ABCA3: variants seen among roughly 807,000 people sequenced by gnomAD.
ABCA3 encodes the protein ATP binding cassette subfamily A member 3, also known as phospholipid-transporting ATPase ABCA3.
A neutral mutation model predicts 172.8 loss-of-function variants in ABCA3; 88 were observed. The ratio of observed to expected loss-of-function variants is 0.51; its 90% CI spans 0.43 to 0.61. ABCA3 has a LOEUF of 0.61. ABCA3 is among the 20% of genes least tolerant of loss of function. The pLI is 0.00. For missense variants in ABCA3, 2,164 were observed against 2,301.0 expected (o/e 0.94, Z 1.22); for synonymous variants, 1,066 against 983.8 (o/e 1.08, Z -1.56).
In ABCA3 at chr16:2,326,019, T is replaced by C. The variant is rs1477041077; in HGVS notation, c.310A>G (p.Asn104Asp). The change falls in exon 5 of 33, where the codon AAC (asparagine) becomes GAC (aspartate). Residue 104 changes from asparagine (N) to aspartate (D), a missense_variant. Coordinates refer to ENST00000301732, the MANE Select transcript of ABCA3 (RefSeq NM_001089.3). ...TETVRRALVI[N>D]MRVRGFPSEK... ...CCCCGGCATGTCTCACCTCGCATGT[T>C]GATCACAAGTGCCCTGCGCACTGTC... is the stretch of plus-strand genomic sequence containing the variant. 6.2e-7 allele frequency: 1 copy of C among 1,613,624 alleles called. No individual in the cohort carries two copies. The highest frequency in any genetic ancestry group is 2.2e-5 in the East Asian group (1 of 44,866).
intron 14 of ABCA3, among the ~76,000 whole-genome samples, chr16:2,299,162 C>T (rs528199826): frequency 3.1e-4 from 45 of 144,100 alleles, no homozygotes; most frequent in African/African-American, 1.0e-3. Flanking sequence ...CCTGCATTCA[C>T]GGACAGAGGC....
chr16:2,302,313 A>G lies in ABCA3; in HGVS notation c.1467+1656T>C, dbSNP rs570952362. 2.0e-5 allele frequency among the ~76,000 whole-genome samples: 3 copies of G among 152,304 alleles called. No homozygotes were observed. In the East Asian group the frequency reaches 5.8e-4, roughly 29 times the overall value. On this transcript the variant is annotated intron_variant, in intron 12 of 32. Coordinates refer to ENST00000301732, the MANE Select transcript of ABCA3 (RefSeq NM_001089.3). ...AGCTGGTCTCGGCAGTGATTCTTAAAAAGGTAATACTTAGGTAGAAATATA... is the reference window on the plus strand; with the variant it reads ...AGCTGGTCTCGGCAGTGATTCTTAAGAAGGTAATACTTAGGTAGAAATATA...
chr16:2,333,649 T>C (rs1199179555), intron 1 of ABCA3, among the ~76,000 whole-genome samples: 2 of 152,204 alleles, frequency 1.3e-5, no homozygotes, highest in African/African-American at 2.4e-5. Context: ...TGATGGGCAC[T>C]TGTACAAGGT....
intron 10 of ABCA3, among the ~76,000 whole-genome samples, chr16:2,315,749 C>T (rs569476021): frequency 4.6e-5 from 7 of 152,020 alleles, no homozygotes; most frequent in African/African-American, 7.2e-5. Context: ...CTGCAACATC[C>T]GCCACCTGGG....
At chr16:2,312,841 T>G (rs1392797980) in intron 10 of ABCA3, among the ~76,000 whole-genome samples, 1 of 141,170 alleles carries the variant, frequency 7.1e-6, no homozygotes, top group Non-Finnish European at 1.6e-5. Flanking sequence ...CGAAATTGCA[T>G]TTTTTTTTTT....
In ABCA3 at chr16:2,328,471, G is replaced by C. The variant is rs548503020; in HGVS notation, c.-45C>G. 9 of 508,286 alleles carry C rather than the reference G, an allele frequency of 1.8e-5. No homozygotes were observed. The highest frequency in any genetic ancestry group is 3.5e-5 in the Non-Finnish European group (9 of 255,014). The allele number at this position is 508,286 out of a possible 1,614,324, so 31.5% of individuals were successfully genotyped here. ...TGCTAACCTGCTAGAGAAGTAGGTG[G>C]TCTGAGTAAGTTCAAGTAGGCGCTG... On this transcript the variant is annotated 5_prime_UTR_variant, in exon 3 of 33. Coordinates refer to ENST00000301732, the MANE Select transcript of ABCA3 (RefSeq NM_001089.3).
At chr16:2,318,065 T>C (rs2093719363) in intron 8 of ABCA3, among the ~76,000 whole-genome samples, 1 of 152,188 alleles carries the variant, frequency 6.6e-6, no homozygotes. Context: ...GTACTTGAGA[T>C]CGTCCCCCGA....
In ABCA3 at chr16:2,324,412, G is replaced by A. The variant is rs1405519347; in HGVS notation, c.439C>T (p.Pro147Ser). The A allele has an allele frequency of 6.3e-7, 1 of 1,598,954 alleles. No homozygotes were observed. Among genetic ancestry groups the A allele is most frequent in the Non-Finnish European group, 8.5e-7 (1 of 1,177,106 alleles). ...CCGGCCGCACGTCTCACCGCCAGCGGCAGGGGCTCCTTGCTGTGGTTGAAG... is the reference window on the plus strand; with the variant it reads ...CCGGCCGCACGTCTCACCGCCAGCGACAGGGGCTCCTTGCTGTGGTTGAAG... ...HPFNHSKEPL[P>S]LAVKYHLRFS... Residue 147 changes from proline (P) to serine (S), a missense_variant, in exon 6 of 33, where the codon CCG (proline) becomes TCG (serine). Pro to Ser is a moderately conservative substitution (Grantham distance 74, BLOSUM62 -1). Around this residue, in one of 3 missense-constraint regions of ABCA3, gnomAD observed 1,343 missense variants for 1,369.6 expected, o/e 0.98. Coordinates refer to ENST00000301732, the MANE Select transcript of ABCA3 (RefSeq NM_001089.3).
Position 2,286,971 on chromosome 16 carries a change from G to C in ABCA3, c.3005-4C>G, listed in dbSNP as rs775769276. 1.6e-5 allele frequency: 25 copies of C among 1,612,084 alleles called. No individual in the cohort carries two copies. The East Asian group carries it at 5.6e-4, about 36-fold the overall frequency. On this transcript the variant is annotated splice_region_variant and splice_polypyrimidine_tract_variant and intron_variant, in intron 21 of 32. Coordinates refer to ENST00000301732, the MANE Select transcript of ABCA3 (RefSeq NM_001089.3). The surrounding 1 kb of genome is among the most constrained non-coding windows in gnomAD (Gnocchi z 5.2). ...ATCAAGAACTCCTCCAGGTCACCTGGGGAGCAATGGCAGAGTCAGGGGACA... is the reference window on the plus strand; with the variant it reads ...ATCAAGAACTCCTCCAGGTCACCTGCGGAGCAATGGCAGAGTCAGGGGACA...
intron 10 of ABCA3, among the ~76,000 whole-genome samples, chr16:2,311,711 G>A (rs1008058298): frequency 1.1e-4 from 17 of 152,010 alleles, no homozygotes; most frequent in South Asian, 6.2e-4. Context: ...TAATAGAGAC[G>A]GGGTTTCACC....
chr16:2,325,928 C>T, intron 5 of ABCA3, 82 bp downstream of exon 5: 2 of 1,594,796 alleles, frequency 1.3e-6, no homozygotes, highest in Non-Finnish European at 8.5e-7. Context: ...AGCTGCTTCG[C>T]ACATCCTGGG....
In ABCA3 at chr16:2,283,842, G is replaced by T. The variant is rs1216676731; in HGVS notation, c.3862+437C>A. On this transcript the variant is annotated intron_variant, in intron 25 of 32. Transcript: ENST00000301732. The surrounding 1 kb of genome is among the most constrained non-coding windows in gnomAD (Gnocchi z 5.4). ...GTGTGGGCCTTAAACCCAACAGCAA[G>T]TGTCCTTATAAGAGAAATGCAGAAG... 5 of 236,310 alleles carry T rather than the reference G, an allele frequency of 2.1e-5. No homozygotes were observed. The highest frequency in any genetic ancestry group is 1.1e-4 in the African/African-American group (5 of 44,430). 14.6% of individuals were successfully genotyped at this position (236,310 alleles called of 1,614,324 possible). A position where few individuals can be genotyped will look rare whatever the true frequency, so the allele number is the denominator to read the frequency against.
In ABCA3 at chr16:2,326,110, C is replaced by A. The variant is rs565051776; in HGVS notation, c.219G>T (p.Pro73=). 2.5e-6 allele frequency: 4 copies of A among 1,613,962 alleles called. No individual in the cohort carries two copies. Among genetic ancestry groups the A allele is most frequent in the African/African-American group, 2.7e-5 (2 of 74,918 alleles). Residue 73 remains proline (P), a synonymous_variant, in exon 5 of 33, where the codon CCG becomes CCT. Transcript: ENST00000301732. ...QELPLFFTFP[P]PGDTWELAYI... ...AGGCAAGCTCCCAGGTGTCTCCTGGCGGAGGGAAGGTGAAGAACAGAGGCA... is the reference window on the plus strand; with the variant it reads ...AGGCAAGCTCCCAGGTGTCTCCTGGAGGAGGGAAGGTGAAGAACAGAGGCA...
chr16:2,322,516 C>T lies in ABCA3; in HGVS notation c.613+1007G>A, dbSNP rs1397667432. 1.8e-4 allele frequency among the ~76,000 whole-genome samples: 26 copies of T among 144,684 alleles called. 1 individual carries two copies. The highest frequency in any genetic ancestry group is 7.0e-5 in the Admixed American group (1 of 14,282). The allele number at this position is 144,684 out of a possible 152,430, so 94.9% of individuals were successfully genotyped here. ...TTAACATTAGGTATATCTCCTAATG[C>T]TATCCCTCCCCCCGCCCCCCCACCC... On this transcript the variant is annotated intron_variant, in intron 7 of 32. Transcript: ENST00000301732.
intron 1 of ABCA3, among the ~76,000 whole-genome samples, chr16:2,333,340 TA>T (rs1180982845): frequency 6.6e-6 from 1 of 152,204 alleles, no homozygotes; most frequent in Admixed American, 6.5e-5. Context: ...GGGGCCTTGA[TA>T]AAGCCACAGG....
intron 18 of ABCA3, among the ~76,000 whole-genome samples, chr16:2,295,247 G>C (rs983844475): frequency 6.6e-6 from 1 of 152,194 alleles, no homozygotes; most frequent in Admixed American, 6.5e-5. Context: ...ATACAGACTC[G>C]GTTTCACGAG....
Position 2,297,570 on chromosome 16 carries a change from G to A in ABCA3, c.2053-31C>T. 6.2e-7 allele frequency: 1 copy of A among 1,609,376 alleles called. No homozygotes were observed. The highest frequency in any genetic ancestry group is 8.5e-7 in the Non-Finnish European group (1 of 1,179,170). ...GGGAGAGACACAGTCTCGCGACGCT[G>A]GTAGAGCCACACCCCGGGCCCAGGC... On this transcript the variant is annotated intron_variant, in intron 16 of 32. Transcript: ENST00000301732. The surrounding 1 kb of genome is among the most constrained non-coding windows in gnomAD (Gnocchi z 5.6).
In ABCA3 at chr16:2,299,470, C is replaced by T. The variant is rs2093685519; in HGVS notation, c.1674G>A (p.Glu558=). The T allele has an allele frequency of 6.2e-7, 1 of 1,613,914 alleles. No individual in the cohort carries two copies. Among genetic ancestry groups the T allele is most frequent in the Non-Finnish European group, 8.5e-7 (1 of 1,179,994 alleles). ...AVRDLNLNLY[E]GQITVLLGHN... is the part of the protein sequence containing the mutation. ...GGCCCAGCAGGACGGTGATCTGTCC[C>T]TCGTACAGGTTGAGGTTCAGGTCTC... is the stretch of plus-strand genomic sequence containing the variant. Residue 558 remains glutamate (E), a synonymous_variant, in exon 14 of 33, where the codon GAG becomes GAA. Transcript: ENST00000301732.
intron 19 of ABCA3, among the ~76,000 whole-genome samples, chr16:2,291,363 C>A (rs904917561): frequency 6.6e-6 from 1 of 151,858 alleles, no homozygotes. Flanking sequence ...GTTGACCAGG[C>A]TAGTCTCAAA....
Sources: gnomAD v4.1 joint callset for allele counts (sites outside exome capture counted in the v4.1 genomes callset) on GRCh38, gnomAD v4.1.1 for gene constraint, gnomAD v4.1.1 regional missense constraint, Gnocchi (gnomAD v3.1) non-coding constraint, MANE v1.5 for transcripts, NCBI Gene and HGNC (gene_info 2026-07-23, HGNC 2026-07-21) for gene names.